Variants in SERPINB12 observed in about 807,000 individuals in gnomAD.
SERPINB12 encodes the protein serpin B12.
Under a neutral mutation model 41.1 loss-of-function variants are expected in SERPINB12, and 57 were observed. The ratio of observed to expected loss-of-function variants is 1.39; its 90% confidence interval spans 1.12 to 1.73. The LOEUF is 1.73. SERPINB12 is among the 40% of genes most tolerant of loss of function. The pLI, the probability that SERPINB12 is intolerant of heterozygous loss-of-function variation, is 0.00. For synonymous variants in SERPINB12, 180 were observed against 181.3 expected, an observed-to-expected ratio of 0.99 and a Z score of 0.06; for missense variants, 536 against 501.9, an observed-to-expected ratio of 1.07 and a Z score of -0.65.
chr18:63,535,557 A>T, the SERPINB12 span, among the ~76,000 whole-genome samples: 17 of 152,198 alleles, frequency 1.1e-4, no homozygotes, highest in Non-Finnish European at 1.8e-4. Flanking sequence ...AAACTTCCCT[A>T]GATTAGAAGA....
chr18:63,555,302 G>C (rs376523863), intron 1 of SERPINB12, among the ~76,000 whole-genome samples: 17 of 152,288 alleles, frequency 1.1e-4, no homozygotes, highest in African/African-American at 4.1e-4. Context: ...GGAATTTGCT[G>C]GGCATATCCT....
At position 63,568,589 on chromosome 18, in the gene SERPINB12, A is replaced by G. The variant is rs73961736; in HGVS notation, c.*1578A>G. Among the ~76,000 whole-genome samples the G allele has an allele frequency of 0.031, 4,723 of 152,156 alleles. 246 individuals carry two copies. Among genetic ancestry groups the G allele is most frequent in the African/African-American group, 0.11 (4,459 of 41,472 alleles). On this transcript the variant is annotated 3_prime_UTR_variant, in exon 8 of 8. Transcript: ENST00000382768. ...TGAATGTTCTGCCATGACCACTGAC[A>G]CGTCCAACTCACATCTCTTTGGAGT...
At chr18:63,542,091 CT>C (rs1401891232), upstream of SERPINB12, among the ~76,000 whole-genome samples, 1 of 152,092 alleles carries the variant, frequency 6.6e-6, no homozygotes, top group Non-Finnish European at 1.5e-5. Flanking sequence ...CTGGAGGGCT[CT>C]GTAAGTTGTT....
At position 63,546,765 on chromosome 18, in the gene SERPINB12, T is replaced by A. The variant is rs111696862; in HGVS notation, c.-19+4273T>A. On this transcript the variant is annotated intron_variant, in intron 1 of 7. Transcript: ENST00000382768. ...GTAGTTAAAAGCATAGCATTTGTTT[T>A]AAAAATATATGCCACTCTTTTCTTT... 9.7e-3 allele frequency among the ~76,000 whole-genome samples: 1,471 copies of A among 152,340 alleles called. 16 individuals are homozygous for A. The highest frequency in any genetic ancestry group is 0.013 in the Non-Finnish European group (915 of 68,026).
upstream of SERPINB12, among the ~76,000 whole-genome samples, chr18:63,539,261 G>A (rs1156810852): frequency 2.6e-5 from 4 of 152,108 alleles, no homozygotes; most frequent in South Asian, 2.1e-4. Flanking sequence ...AAAAAAGAAA[G>A]CATGGCCTCT....
At chr18:63,560,206 G>A (rs966049033) in intron 4 of SERPINB12, among the ~76,000 whole-genome samples, 2 of 152,228 alleles carry the variant, frequency 1.3e-5, no homozygotes, top group African/African-American at 4.8e-5. Flanking sequence ...GGCATTTGGA[G>A]CTGAAAGGCA....
At chr18:63,536,704 C>T in the SERPINB12 span, among the ~76,000 whole-genome samples, 1 of 152,144 alleles carries the variant, frequency 6.6e-6, no homozygotes, top group African/African-American at 2.4e-5. Flanking sequence ...AATAACTAAT[C>T]TCTTTGTTGA....
At chr18:63,565,693 C>A in intron 7 of SERPINB12, 81 bp downstream of exon 7, 2 of 1,225,632 alleles carry the variant, frequency 1.6e-6, no homozygotes, top group East Asian at 2.6e-5. Context: ...TCTACCATCT[C>A]GAGGAAATTC....
intron 1 of SERPINB12, among the ~76,000 whole-genome samples, chr18:63,550,829 G>A (rs1473808158): frequency 6.6e-6 from 1 of 152,144 alleles, no homozygotes; most frequent in Admixed American, 6.5e-5. Flanking sequence ...TGACTTTTGT[G>A]TTTTGGGAGA....
intron 1 of SERPINB12, among the ~76,000 whole-genome samples, chr18:63,549,103 G>A (rs1910458933): frequency 6.6e-6 from 1 of 152,090 alleles, no homozygotes. Context: ...CATCTATGAA[G>A]ACAGTATTAG....
At chr18:63,553,102 G>T (rs1429877267) in intron 1 of SERPINB12, among the ~76,000 whole-genome samples, 1 of 152,178 alleles carries the variant, frequency 6.6e-6, no homozygotes, top group East Asian at 1.9e-4. Flanking sequence ...AAAGGGAATT[G>T]TTACTGGGGT....
the SERPINB12 span, among the ~76,000 whole-genome samples, chr18:63,533,796 C>G: frequency 6.6e-6 from 1 of 152,140 alleles, no homozygotes; most frequent in Non-Finnish European, 1.5e-5. Flanking sequence ...TACAGAAATC[C>G]ACATGTGCAT....
intron 3 of SERPINB12, 137 bp downstream of exon 3, chr18:63,558,623 C>T: frequency 1.0e-6 from 1 of 960,568 alleles, no homozygotes; most frequent in Non-Finnish European, 1.5e-6. Flanking sequence ...CTCATGTGAT[C>T]TGTGATTCCT....
the SERPINB12 span, among the ~76,000 whole-genome samples, chr18:63,535,658 C>A: frequency 6.6e-6 from 1 of 152,114 alleles, no homozygotes; most frequent in Non-Finnish European, 1.5e-5. Flanking sequence ...TTTGGGATAA[C>A]TGGTGACATT....
chr18:63,522,688 A>G, the SERPINB12 span, among the ~76,000 whole-genome samples: 1 of 152,192 alleles, frequency 6.6e-6, no homozygotes, highest in South Asian at 2.1e-4. Context: ...TCTAAACATT[A>G]TTAGAAATCT....
At chr18:63,519,115 G>A in the SERPINB12 span, among the ~76,000 whole-genome samples, 11 of 152,216 alleles carry the variant, frequency 7.2e-5, no homozygotes, top group African/African-American at 2.6e-4. Flanking sequence ...GTGGTACTGG[G>A]TCTTGGTGAG....
the SERPINB12 span, among the ~76,000 whole-genome samples, chr18:63,537,235 A>C: frequency 6.6e-6 from 1 of 152,210 alleles, no homozygotes; most frequent in Admixed American, 6.5e-5. Flanking sequence ...AGTGGCCTGC[A>C]GAGATTGCAG....
the SERPINB12 span, among the ~76,000 whole-genome samples, chr18:63,523,835 T>C: frequency 6.6e-6 from 1 of 152,206 alleles, no homozygotes; most frequent in African/African-American, 2.4e-5. Flanking sequence ...AGCGGTACTT[T>C]CTCAAGGACA....
At chr18:63,522,485 T>G in the SERPINB12 span, among the ~76,000 whole-genome samples, 1 of 152,182 alleles carries the variant, frequency 6.6e-6, no homozygotes, top group African/African-American at 2.4e-5. Flanking sequence ...AAGAGAAAAT[T>G]TCTTTAAATC....
Sources: allele counts gnomAD v4.1 joint callset (sites outside exome capture counted in the v4.1 genomes callset), GRCh38; gene constraint gnomAD v4.1.1; transcripts MANE v1.5; gene names NCBI Gene and HGNC (gene_info 2026-07-23, HGNC 2026-07-21).